The following MYO6 variants were observed in gnomAD, a reference collection of about 807,000 sequenced individuals.
MYO6 encodes unconventional myosin-VI.
In MYO6, 74 loss-of-function variants were observed where a neutral mutation model predicts 178.7. That is an observed-to-expected ratio of 0.41 (90% confidence interval 0.34 to 0.50). The LOEUF (loss-of-function observed/expected upper bound fraction) is 0.50. Among genes scored for constraint, MYO6 ranks in the 20% least tolerant of loss-of-function variants. The pLI is 0.09. For missense variants in MYO6, 1,330 were observed against 1,547.4 expected, an observed-to-expected ratio of 0.86 and a Z score of 2.36; for synonymous variants, 477 against 504.6, an observed-to-expected ratio of 0.95 and a Z score of 0.73.
chr6:75,806,514 G>T (rs1224352032), intron 1 of MYO6, among the ~76,000 whole-genome samples: 1 of 152,152 alleles, frequency 6.6e-6, no homozygotes, highest in African/African-American at 2.4e-5. Context: ...CCAAAATCTG[G>T]CCATAAACTG....
intron 1 of MYO6, among the ~76,000 whole-genome samples, chr6:75,780,882 A>G (rs1030947613): frequency 6.6e-6 from 1 of 151,286 alleles, no homozygotes; most frequent in African/African-American, 2.4e-5. Flanking sequence ...ATCTCGGCTC[A>G]CTGCAACCTC....
intron 1 of MYO6, among the ~76,000 whole-genome samples, chr6:75,809,955 G>A (rs1770525003): frequency 6.6e-6 from 1 of 151,306 alleles, no homozygotes; most frequent in Non-Finnish European, 1.5e-5. Flanking sequence ...GTTGTGGCAG[G>A]TGCCTGTAGT....
At position 75,859,004 on chromosome 6, in the gene MYO6, T is replaced by G. The variant is rs1775960170; in HGVS notation, c.1473+11T>G. ...AGGATTCTGAAGGAGGTAATTGCCA[T>G]TATAAGTTTAATTTAAGATCTGCAT... On this transcript the variant is annotated intron_variant, in intron 14 of 34. Transcript: ENST00000369977. 2 of 1,506,652 alleles carry G rather than the reference T, an allele frequency of 1.3e-6. No homozygotes were observed. Among genetic ancestry groups the G allele is most frequent in the East Asian group, 4.5e-5 (2 of 44,196 alleles). The allele number at this position is 1,506,652 out of a possible 1,614,324, so 93.3% of individuals were successfully genotyped here.
At chr6:75,905,726 G>C (rs925461572) in intron 30 of MYO6, among the ~76,000 whole-genome samples, 1 of 152,210 alleles carries the variant, frequency 6.6e-6, no homozygotes, top group African/African-American at 2.4e-5. Flanking sequence ...TTCCTATTCG[G>C]CCATCTTGGC....
intron 29 of MYO6, among the ~76,000 whole-genome samples, chr6:75,897,529 T>G (rs1191707955): frequency 6.6e-6 from 1 of 152,188 alleles, no homozygotes; most frequent in Non-Finnish European, 1.5e-5. Context: ...TCCCAGCTCT[T>G]GGCAGGCATT....
rs1018625847 is a variant in MYO6, at chr6:75,832,467, T to G, written c.392-375T>G. On this transcript the variant is annotated intron_variant, in intron 5 of 34. Transcript: ENST00000369977. ...GTTGCTAGATTTCTTAATTGGAAGC[T>G]CATTAATTCTTGCTTTTCACTGGGG... Among the ~76,000 whole-genome samples, 4 of 152,192 alleles carry G rather than the reference T, an allele frequency of 2.6e-5. No individual in the cohort carries two copies. The East Asian group carries it at 7.7e-4, about 29-fold the overall frequency.
At chr6:75,822,220 C>T (rs1771959877) in intron 2 of MYO6, among the ~76,000 whole-genome samples, 1 of 151,982 alleles carries the variant, frequency 6.6e-6, no homozygotes, top group African/African-American at 2.4e-5. Context: ...GCCTCAGCCT[C>T]CCCAGTAGCT....
chr6:75,840,098 A>G (rs941525729), intron 7 of MYO6, among the ~76,000 whole-genome samples: 27 of 151,644 alleles, frequency 1.8e-4, no homozygotes, highest in Non-Finnish European at 3.4e-4. Context: ...GTGCCTGAGC[A>G]TAGTGGGTAA....
intron 32 of MYO6, among the ~76,000 whole-genome samples, chr6:75,910,960 T>A (rs1459118866): frequency 6.6e-6 from 1 of 152,122 alleles, no homozygotes; most frequent in Non-Finnish European, 1.5e-5. Context: ...TATTGTTGAC[T>A]TAAAGAGTAA....
Position 75,891,387 on chromosome 6 carries a change from C to G in MYO6, c.2946+81C>G. The G allele has an allele frequency of 2.9e-6, 3 of 1,032,912 alleles. No individual in the cohort carries two copies. In the South Asian group the frequency reaches 4.0e-5, roughly 14 times the overall value. The allele number at this position is 1,032,912 out of a possible 1,614,324, so 64.0% of individuals were successfully genotyped here. A position where few individuals can be genotyped will look rare whatever the true frequency, so the allele number is the denominator to read the frequency against. On this transcript the variant is annotated intron_variant, in intron 27 of 34. Coordinates refer to ENST00000369977, the MANE Select transcript of MYO6 (RefSeq NM_004999.4). ...GTGGCTCATGCCTGTAATCCCAGCT[C>G]TTTGGGAGGCCGAGGCGGGCGGATC...
At chr6:75,820,012 C>G (rs1269756298) in intron 2 of MYO6, among the ~76,000 whole-genome samples, 1 of 152,134 alleles carries the variant, frequency 6.6e-6, no homozygotes, top group African/African-American at 2.4e-5. Context: ...CCACTGCACT[C>G]TAGCCTGGGT....
chr6:75,847,554 G>C (rs1562242564), intron 10 of MYO6, among the ~76,000 whole-genome samples: 1 of 151,782 alleles, frequency 6.6e-6, no homozygotes. Flanking sequence ...TCTAACAAAT[G>C]AGCACATTAG....
intron 1 of MYO6, among the ~76,000 whole-genome samples, chr6:75,757,593 T>C (rs1297578550): frequency 6.6e-6 from 1 of 151,840 alleles, no homozygotes; most frequent in Non-Finnish European, 1.5e-5. Context: ...GGCTTAATCC[T>C]CTCTCTGACA....
Position 75,879,771 on chromosome 6 carries a change from G to A in MYO6, c.2078-49G>A, listed in dbSNP as rs748523088. The A allele has an allele frequency of 7.4e-6, 12 of 1,613,794 alleles. No homozygotes were observed. The South Asian group carries it at 1.2e-4, about 16-fold the overall frequency. ...AAATGATCATTCACAAATTATTTTG[G>A]ACTTCCGAACAGTGATTGACAGTGC... On this transcript the variant is annotated intron_variant, in intron 20 of 34. Transcript: ENST00000369977.
chr6:75,829,553 G>A (rs1371036106), intron 4 of MYO6, among the ~76,000 whole-genome samples: 1 of 152,162 alleles, frequency 6.6e-6, no homozygotes, highest in East Asian at 1.9e-4. Context: ...AGTGACAGCT[G>A]GGAGATAGAA....
intron 1 of MYO6, among the ~76,000 whole-genome samples, chr6:75,792,341 T>C (rs1420886859): frequency 1.3e-5 from 2 of 152,210 alleles, no homozygotes; most frequent in African/African-American, 4.8e-5. Flanking sequence ...GTTATCAGTA[T>C]CTTGTTAACA....
At position 75,908,640 on chromosome 6, in the gene MYO6, C is replaced by G. The variant is rs766106049; in HGVS notation, c.3412+13C>G. 6.2e-7 allele frequency: 1 copy of G among 1,612,760 alleles called. No homozygotes were observed. Among genetic ancestry groups the G allele is most frequent in the Non-Finnish European group, 8.5e-7 (1 of 1,179,078 alleles). On this transcript the variant is annotated intron_variant, in intron 32 of 34. Coordinates refer to ENST00000369977, the MANE Select transcript of MYO6 (RefSeq NM_004999.4). ...GTTACTGATTATGGTAAAGAGAAAT[C>G]TGTACTTTTGAACGTTTTAAAATAT...
chr6:75,799,932 C>A (rs575182931), intron 1 of MYO6, among the ~76,000 whole-genome samples: 1 of 151,984 alleles, frequency 6.6e-6, no homozygotes, highest in African/African-American at 2.4e-5. Flanking sequence ...TAATTAATTC[C>A]AATTCTTTTA....
intron 10 of MYO6, among the ~76,000 whole-genome samples, chr6:75,846,336 TAGTC>T (rs1326081948): frequency 8.5e-5 from 13 of 152,158 alleles, no homozygotes; most frequent in African/African-American, 3.1e-4. Flanking sequence ...GTTTTTATAA[TAGTC>T]AGTTTTTAAT....
Sources: allele counts gnomAD v4.1 joint callset (sites outside exome capture counted in the v4.1 genomes callset), GRCh38; gene constraint gnomAD v4.1.1; transcripts MANE v1.5; gene names NCBI Gene and HGNC (gene_info 2026-07-23, HGNC 2026-07-21).